The following DYNC2H1 variants were observed in gnomAD, a reference collection of about 807,000 sequenced individuals.
DYNC2H1 encodes dynein cytoplasmic 2 heavy chain 1.
In DYNC2H1, 410 loss-of-function variants were observed where a neutral mutation model predicts 570.0. That is an observed-to-expected ratio of 0.72 (90% CI 0.66 to 0.78). The LOEUF (loss-of-function observed/expected upper bound fraction) is 0.78. Among genes scored for constraint, DYNC2H1 ranks in the 30% least tolerant of loss-of-function variants. DYNC2H1 has a pLI of 0.00. For synonymous variants in DYNC2H1, 1,688 were observed against 1,677.6 expected, an observed-to-expected ratio of 1.01 and a Z score of -0.15; for missense variants, 4,865 against 5,046.4, an observed-to-expected ratio of 0.96 and a Z score of 1.09.
Position 103,147,985 on chromosome 11 carries a change from C to A in DYNC2H1, c.2818+98C>A. 5.9e-6 allele frequency: 5 copies of A among 845,664 alleles called. No individual in the cohort carries two copies. The South Asian group carries it at 7.4e-5, about 13-fold the overall frequency. The allele number at this position is 845,664 out of a possible 1,614,324, so 52.4% of individuals were successfully genotyped here. A position where few individuals can be genotyped will look rare whatever the true frequency, so the allele number is the denominator to read the frequency against. Reference sequence around the variant, plus strand: ...TGTGAATTTCAATGATCATTAAAAACCAAAACTGAACTAATTTAAAAAAAG... The same window carrying A: ...TGTGAATTTCAATGATCATTAAAAAACAAAACTGAACTAATTTAAAAAAAG... On this transcript the variant is annotated intron_variant, in intron 19 of 88. Coordinates refer to ENST00000375735, the MANE Select transcript of DYNC2H1 (RefSeq NM_001377.3).
chr11:103,206,587 A>T (rs3016438), intron 52 of DYNC2H1, among the ~76,000 whole-genome samples: 2 of 152,058 alleles, frequency 1.3e-5, no homozygotes, highest in African/African-American at 4.8e-5. Flanking sequence ...GAAGAACCAA[A>T]GGACACTGAG....
chr11:103,332,553 C>T (rs1400731639), intron 82 of DYNC2H1, among the ~76,000 whole-genome samples: 1 of 152,118 alleles, frequency 6.6e-6, no homozygotes, highest in Non-Finnish European at 1.5e-5. Flanking sequence ...GTGGGGGAAA[C>T]ACACACCACA....
chr11:103,304,150 A>G (rs1394474320), intron 76 of DYNC2H1, among the ~76,000 whole-genome samples: 1 of 152,172 alleles, frequency 6.6e-6, no homozygotes, highest in Admixed American at 6.6e-5. Context: ...TTTTTAAACA[A>G]CTGAATACTT....
intron 78 of DYNC2H1, among the ~76,000 whole-genome samples, chr11:103,311,199 A>G (rs1266242747): frequency 2.0e-5 from 3 of 152,120 alleles, no homozygotes; most frequent in Non-Finnish European, 2.9e-5. Flanking sequence ...AACCCACATT[A>G]TATATTTTTT....
intron 83 of DYNC2H1, among the ~76,000 whole-genome samples, chr11:103,361,163 T>C (rs1376106166): frequency 6.6e-6 from 1 of 152,218 alleles, no homozygotes; most frequent in Non-Finnish European, 1.5e-5. Flanking sequence ...AATTCATATG[T>C]TGAAGTCTTA....
Position 103,174,162 on chromosome 11 carries a change from C to T in DYNC2H1, c.5666C>T (p.Thr1889Ile). 1 of 1,569,534 alleles carries T rather than the reference C, an allele frequency of 6.4e-7. No homozygotes were observed. The highest frequency in any genetic ancestry group is 1.4e-5 in the African/African-American group (1 of 74,044). Reference protein sequence around the residue: ...LLRQLNKSGTTQNANESHIVV... With the variant: ...LLRQLNKSGTIQNANESHIVV... The stretch of plus-strand genomic sequence containing the variant: ...AGACAGCTAAACAAAAGTGGCACTA[C>T]ACAGAATGGTATGATTGATTATTCC... The change falls in exon 36 of 89, where the codon ACA becomes ATA. Residue 1889 changes from threonine to isoleucine, a missense_variant. By Grantham distance (89) the Thr-to-Ile change is moderately conservative (BLOSUM62 -1). This residue lies in a region of DYNC2H1 where 292 missense variants were observed against 300.2 expected (regional missense o/e 0.97). Transcript: ENST00000375735.
At chr11:103,423,408 T>TAAAA (rs60223334) in intron 84 of DYNC2H1, among the ~76,000 whole-genome samples, 45 of 120,416 alleles carry the variant, frequency 3.7e-4, no homozygotes, top group East Asian at 8.8e-4. Flanking sequence ...GCCAAAAAAG[T>TAAAA]AAAAAAAAAA....
rs1456617279 is a variant in DYNC2H1, at chr11:103,401,319, GC to G, written c.12366+1449del. Among the ~76,000 whole-genome samples, 7 of 152,214 alleles carry G rather than the reference GC, an allele frequency of 4.6e-5. No individual in the cohort carries two copies. The East Asian group carries it at 1.4e-3, about 29-fold the overall frequency. On this transcript the variant is annotated intron_variant, in intron 84 of 88. Transcript: ENST00000375735. ...AGTATATTTCTTTATCCAACTATAT[GC>G]CGTACAGAGTAAAATGTATCATTAA...
At chr11:103,211,200 G>A (rs1863141507) in intron 53 of DYNC2H1, among the ~76,000 whole-genome samples, 1 of 3,138 alleles carries the variant, frequency 3.2e-4, no homozygotes. Flanking sequence ...AGAAAGAGTC[G>A]AGGATGTTTT....
chr11:103,436,096 C>A, intron 85 of DYNC2H1, 64 bp downstream of exon 85: 3 of 1,397,644 alleles, frequency 2.1e-6, no homozygotes, highest in Non-Finnish European at 3.0e-6. Context: ...ATAGAGATAA[C>A]CATTGTGCTA....
chr11:103,427,398 ACTTAC>A (rs1943710136), intron 84 of DYNC2H1, among the ~76,000 whole-genome samples: 1 of 152,168 alleles, frequency 6.6e-6, no homozygotes, highest in South Asian at 2.1e-4. Flanking sequence ...TTAATGATAA[ACTTAC>A]CTTCGTCTTT....
Position 103,439,496 on chromosome 11 carries a change from G to T in DYNC2H1, c.12456+3464G>T, listed in dbSNP as rs1944182779. ...TTATATTTTATCCTAAGGACAAAAGGTAACCATTGCAGCATTTTAAGAAGG... is the reference window on the plus strand; with the variant it reads ...TTATATTTTATCCTAAGGACAAAAGTTAACCATTGCAGCATTTTAAGAAGG... On this transcript the variant is annotated intron_variant, in intron 85 of 88. Transcript: ENST00000375735. This position sits in a 1 kb window ranked among gnomAD's most constrained non-coding sequence, Gnocchi z 4.1. 6.6e-6 allele frequency among the ~76,000 whole-genome samples: 1 copy of T among 152,106 alleles called. No homozygotes were observed. The highest frequency in any genetic ancestry group is 1.5e-5 in the Non-Finnish European group (1 of 68,004).
chr11:103,223,000 G>T lies in DYNC2H1; in HGVS notation c.9267G>T (p.Leu3089Phe). 1 of 1,613,350 alleles carries T rather than the reference G, an allele frequency of 6.2e-7. No individual in the cohort carries two copies. Among genetic ancestry groups the T allele is most frequent in the Non-Finnish European group, 8.5e-7 (1 of 1,179,560 alleles). ...GTGCCAGTACTGCAGCTGCACCTTT[G>T]GCTGCCTGGGTGAAAGCCAATATTC... The part of the protein sequence containing the change: ...AKRASTAAAP[L>F]AAWVKANIQY... Residue 3089 changes from leucine (L) to phenylalanine (F), a missense_variant, in exon 59 of 89, where the codon TTG (leucine) becomes TTT (phenylalanine). Leu to Phe is a conservative substitution (Grantham distance 22). This residue lies in a region of DYNC2H1 where 2,401 missense variants were observed against 2,454.6 expected (regional missense o/e 0.98). Coordinates refer to ENST00000375735, the MANE Select transcript of DYNC2H1 (RefSeq NM_001377.3).
At position 103,120,503 on chromosome 11, in the gene DYNC2H1, A is replaced by T. The variant is rs1368369894; in HGVS notation, c.1056A>T (p.Glu352Asp). ...TTCTCTATTTTCTACCTGCCAGTGA[A>T]GAGAAAATCATATGCCTCACTCGAG... is the stretch of plus-strand genomic sequence containing the variant. ...EKFLYFLPAS[E>D]EKIICLTRVF... Residue 352 changes from glutamate to aspartate, a missense_variant, in exon 7 of 89, where the codon GAA becomes GAT. Glu to Asp is a conservative substitution (Grantham distance 45). Coordinates refer to ENST00000375735, the MANE Select transcript of DYNC2H1 (RefSeq NM_001377.3). The T allele has an allele frequency of 1.9e-6, 3 of 1,613,018 alleles. No homozygotes were observed. The highest frequency in any genetic ancestry group is 1.1e-5 in the South Asian group (1 of 90,988).
At chr11:103,184,134 G>C (rs530856118) in intron 40 of DYNC2H1, among the ~76,000 whole-genome samples, 1 of 151,812 alleles carries the variant, frequency 6.6e-6, no homozygotes, top group South Asian at 2.1e-4. Flanking sequence ...TAAAGAAGCC[G>C]TGAGCCCTCA....
Position 103,255,997 on chromosome 11 carries a change from A to G in DYNC2H1, c.10327-109A>G, listed in dbSNP as rs558400125. ...TATAAAATGTTGAAATTCTTCTAAA[A>G]TAACATAAGTTGCCATAAACATCAA... On this transcript the variant is annotated intron_variant, in intron 67 of 88. Coordinates refer to ENST00000375735, the MANE Select transcript of DYNC2H1 (RefSeq NM_001377.3). The G allele has an allele frequency of 1.8e-4, 176 of 966,336 alleles. 1 individual carries two copies. The African/African-American group carries it at 2.8e-3, about 15-fold the overall frequency. 59.9% of individuals were successfully genotyped at this position (966,336 alleles called of 1,614,324 possible). A position where few individuals can be genotyped will look rare whatever the true frequency, so the allele number is the denominator to read the frequency against.
At chr11:103,417,575 A>G (rs1379339820) in intron 84 of DYNC2H1, among the ~76,000 whole-genome samples, 2 of 152,112 alleles carry the variant, frequency 1.3e-5, no homozygotes, top group African/African-American at 4.8e-5. Context: ...GTAGGCTAAC[A>G]TTTTAAAAAT....
At chr11:103,379,762 C>T (rs1941559663) in intron 83 of DYNC2H1, among the ~76,000 whole-genome samples, 1 of 152,196 alleles carries the variant, frequency 6.6e-6, no homozygotes, top group Non-Finnish European at 1.5e-5. Context: ...CTCTTTCCTT[C>T]TCCTGGAATC....
chr11:103,440,835 C>T lies in DYNC2H1; in HGVS notation c.12456+4803C>T, dbSNP rs545556873. On this transcript the variant is annotated intron_variant, in intron 85 of 88. Transcript: ENST00000375735. ...AGTCTACCAGAAAGTCATATTTTCT[C>T]TGCATTCAAAATACATTGAGGTACC... Among the ~76,000 whole-genome samples the T allele has an allele frequency of 4.1e-4, 63 of 152,242 alleles. 1 individual carries two copies. The highest frequency in any genetic ancestry group is 2.8e-3 in the Admixed American group (43 of 15,286).
Sources: gnomAD v4.1 joint callset for allele counts (sites outside exome capture counted in the v4.1 genomes callset) on GRCh38, gnomAD v4.1.1 for gene constraint, gnomAD v4.1.1 regional missense constraint, Gnocchi (gnomAD v3.1) non-coding constraint, MANE v1.5 for transcripts, NCBI Gene and HGNC (gene_info 2026-07-23, HGNC 2026-07-21) for gene names.